SOX6: variants seen among roughly 807,000 people sequenced by gnomAD.
SOX6 encodes the protein SRY-box transcription factor 6, also known as transcription factor SOX-6.
A neutral mutation model predicts 97.8 loss-of-function variants in SOX6; 11 were observed. The observed-to-expected ratio is 0.11, with a 90% confidence interval of 0.07 to 0.19. SOX6 has a LOEUF of 0.19. Ranked by LOEUF, SOX6 falls within the 10% of genes least tolerant of loss-of-function variation. SOX6 has a pLI of 1.00. For synonymous variants in SOX6, 360 were observed against 371.4 expected, an observed-to-expected ratio of 0.97 and a Z score of 0.35; for missense variants, 810 against 1,039.5, an observed-to-expected ratio of 0.78 and a Z score of 3.04.
At chr11:16,390,713 G>A (rs1028792463) in intron 1 of SOX6, among the ~76,000 whole-genome samples, 1 of 152,042 alleles carries the variant, frequency 6.6e-6, no homozygotes, top group Non-Finnish European at 1.5e-5. Flanking sequence ...AGAGGTTGTG[G>A]AAAAATAGGA....
At chr11:16,204,982 A>C in intron 4 of SOX6, among the ~76,000 whole-genome samples, 1 of 152,120 alleles carries the variant, frequency 6.6e-6, no homozygotes, top group South Asian at 2.1e-4. Flanking sequence ...GAAATAATGC[A>C]CTTTAAATCT....
chr11:16,722,671 A>G (rs953962577), intron 2 of SOX6, among the ~76,000 whole-genome samples: 7 of 152,176 alleles, frequency 4.6e-5, no homozygotes, highest in African/African-American at 1.7e-4. Flanking sequence ...GGCAAAGGAC[A>G]TGAAATGACA....
At chr11:16,639,186 T>G (rs376225055) in intron 3 of SOX6, among the ~76,000 whole-genome samples, 1,648 of 152,288 alleles carry the variant, frequency 0.011, 9 homozygotes, top group South Asian at 0.027. Flanking sequence ...TTTCCCCATT[T>G]CTTGTTTTTG....
intron 3 of SOX6, among the ~76,000 whole-genome samples, chr11:16,673,902 T>C (rs568302124): frequency 6.6e-6 from 1 of 152,146 alleles, no homozygotes; most frequent in South Asian, 2.1e-4. Flanking sequence ...AAAAATATCA[T>C]TCATCGGCTG....
intron 4 of SOX6, among the ~76,000 whole-genome samples, chr11:16,208,438 G>A (rs1342047732): frequency 1.3e-5 from 2 of 152,150 alleles, no homozygotes; most frequent in African/African-American, 2.4e-5. Flanking sequence ...AATTCCTGGC[G>A]CTTTCGCACA....
At chr11:16,354,080 G>A (rs1182018291) in intron 1 of SOX6, among the ~76,000 whole-genome samples, 1 of 151,964 alleles carries the variant, frequency 6.6e-6, no homozygotes, top group African/African-American at 2.4e-5. Context: ...ACAGTATAAT[G>A]GAAAGGTTTA....
At chr11:16,359,334 T>C (rs560603624), upstream of SOX6, among the ~76,000 whole-genome samples, 10 of 152,054 alleles carry the variant, frequency 6.6e-5, no homozygotes, top group South Asian at 2.1e-4. Flanking sequence ...GCAGGAAAAA[T>C]ATCTAGTAGG....
intron 4 of SOX6, among the ~76,000 whole-genome samples, chr11:16,196,886 T>C (rs543421954): frequency 4.2e-5 from 6 of 142,310 alleles, no homozygotes; most frequent in Admixed American, 7.7e-5. Flanking sequence ...CAGGCTGGAG[T>C]GCAGTGGTGT....
chr11:16,257,042 T>C (rs1853713209), intron 3 of SOX6, among the ~76,000 whole-genome samples: 1 of 151,818 alleles, frequency 6.6e-6, no homozygotes, highest in South Asian at 2.1e-4. Flanking sequence ...TATAAAATCC[T>C]GATAAAAGAT....
At chr11:16,132,258 AGAAAGAAAGAAGGAAGGAAG>A in intron 6 of SOX6, among the ~76,000 whole-genome samples, 1 of 113,538 alleles carries the variant, frequency 8.8e-6, no homozygotes, top group African/African-American at 3.9e-5. Flanking sequence ...GAAGGAAGAA[AGAAAGAAAGAAGGAAGGAAG>A]GAAGGAAGGA....
In SOX6 at chr11:16,332,315, T is replaced by A. The variant is rs545579265; in HGVS notation, c.237+8697A>T. ...CTCACCACTGGAACTGACCAAAAAA[T>A]TGATAAATAAAAGTAATTATCATAT... On this transcript the variant is annotated intron_variant, in intron 2 of 15. Transcript: ENST00000683767. 4.6e-5 allele frequency among the ~76,000 whole-genome samples: 7 copies of A among 152,230 alleles called. No homozygotes were observed. In the South Asian group the frequency reaches 1.4e-3, roughly 32 times the overall value.
chr11:16,546,845 T>C (rs1014273622), intron 4 of SOX6, among the ~76,000 whole-genome samples: 1 of 151,962 alleles, frequency 6.6e-6, no homozygotes, highest in Non-Finnish European at 1.5e-5. Context: ...TGGGAGAAAA[T>C]ATTTGCAAAC....
chr11:16,583,949 T>C (rs1407956300), intron 4 of SOX6, among the ~76,000 whole-genome samples: 1 of 152,146 alleles, frequency 6.6e-6, no homozygotes, highest in African/African-American at 2.4e-5. Flanking sequence ...ATAGCCATAC[T>C]AACTGGGGCG....
intron 4 of SOX6, among the ~76,000 whole-genome samples, chr11:16,531,565 G>T (rs1414203346): frequency 6.6e-6 from 1 of 151,420 alleles, no homozygotes; most frequent in Non-Finnish European, 1.5e-5. Context: ...GAAACTTGAG[G>T]TCTAAGGTCT....
intron 4 of SOX6, among the ~76,000 whole-genome samples, chr11:16,510,850 T>C (rs1860870484): frequency 6.6e-6 from 1 of 152,004 alleles, no homozygotes; most frequent in Admixed American, 6.6e-5. Flanking sequence ...TATTCTCCAT[T>C]TTCCATGTGG....
At chr11:16,630,576 T>C (rs1485199875) in intron 3 of SOX6, among the ~76,000 whole-genome samples, 3 of 152,088 alleles carry the variant, frequency 2.0e-5, no homozygotes, top group Admixed American at 6.6e-5. Flanking sequence ...GGTTGATGGG[T>C]GGATTGTTCT....
At chr11:16,331,304 AG>A (rs1474833688) in intron 2 of SOX6, among the ~76,000 whole-genome samples, 3 of 152,334 alleles carry the variant, frequency 2.0e-5, no homozygotes, top group Non-Finnish European at 2.9e-5. Flanking sequence ...AGCCCAATCA[AG>A]GTTTGTCAAA....
chr11:16,195,498 G>C (rs549370473), intron 4 of SOX6, among the ~76,000 whole-genome samples: 50 of 152,266 alleles, frequency 3.3e-4, no homozygotes, highest in African/African-American at 1.1e-3. Flanking sequence ...TCTCAGTTAA[G>C]GCTTTGTTTA....
chr11:16,508,622 T>TTA lies in SOX6; in HGVS notation n.610-32235_610-32234insTA, dbSNP rs544626496. 1.5e-4 allele frequency among the ~76,000 whole-genome samples: 23 copies of TTA among 149,030 alleles called. No homozygotes were observed. In the East Asian group the frequency reaches 4.5e-3, roughly 29 times the overall value. On this transcript the variant is annotated intron_variant and non_coding_transcript_variant, in intron 4 of 5. Coordinates refer to the SOX6 transcript ENST00000524520. ...CATGTTCTCCCGCATACATGAGAGG[T>TTA]AAAAAAAAAATGTGGTCATGATCAT...
Sources: allele counts gnomAD v4.1 joint callset (sites outside exome capture counted in the v4.1 genomes callset), GRCh38; gene constraint gnomAD v4.1.1; transcripts MANE v1.5; gene names NCBI Gene and HGNC (gene_info 2026-07-23, HGNC 2026-07-21).